Variants in PRKAB1 observed in about 807,000 individuals in gnomAD.
PRKAB1 encodes protein kinase AMP-activated non-catalytic subunit beta 1.
Under a neutral mutation model 32.0 loss-of-function variants are expected in PRKAB1, and 18 were observed. The observed-to-expected ratio is 0.56, with a 90% CI of 0.39 to 0.83. The LOEUF (loss-of-function observed/expected upper bound fraction) is 0.83. PRKAB1 is among the 40% of genes least tolerant of loss of function. PRKAB1 has a pLI of 0.00. For synonymous variants in PRKAB1, 141 were observed against 141.4 expected (o/e 1.00, Z 0.02); for missense variants, 263 against 352.6 (o/e 0.75, Z 2.03).
In PRKAB1 at chr12:119,680,435, G is replaced by T; in HGVS notation, c.*110G>T. The T allele has an allele frequency of 8.7e-7, 1 of 1,147,282 alleles. No homozygotes were observed. Among genetic ancestry groups the T allele is most frequent in the Non-Finnish European group, 1.3e-6 (1 of 787,660 alleles). 71.1% of individuals were successfully genotyped at this position (1,147,282 alleles called of 1,614,324 possible). A position where few individuals can be genotyped will look rare whatever the true frequency, so the allele number is the denominator to read the frequency against. ...TACATTGCTCATTTCACACTCTTCAGAAGACATTTCATACCTGCCCTGGTC... is the reference window on the plus strand; with the variant it reads ...TACATTGCTCATTTCACACTCTTCATAAGACATTTCATACCTGCCCTGGTC... On this transcript the variant is annotated 3_prime_UTR_variant, in exon 7 of 7. Transcript: ENST00000229328.
chr12:119,674,123 A>C lies in PRKAB1; in HGVS notation c.417+66A>C. The C allele has an allele frequency of 1.4e-6, 2 of 1,463,506 alleles. No homozygotes were observed. The highest frequency in any genetic ancestry group is 2.4e-5 in the South Asian group (2 of 84,114). The allele number at this position is 1,463,506 out of a possible 1,614,324, so 90.7% of individuals were successfully genotyped here. ...ATTCCAAACAAATCACCTTCCCAAG[A>C]GATTGCCGCTAGGTCCCTTTGCCCA... On this transcript the variant is annotated intron_variant, in intron 3 of 6. Coordinates refer to ENST00000229328, the MANE Select transcript of PRKAB1 (RefSeq NM_006253.5). This position sits in a 1 kb window ranked among gnomAD's most constrained non-coding sequence, Gnocchi z 4.3.
intron 6 of PRKAB1, 21 bp from the exon 7 acceptor site, chr12:119,680,227 C>A (rs751540222): frequency 1.2e-6 from 2 of 1,610,900 alleles, no homozygotes; most frequent in East Asian, 2.2e-5. Flanking sequence ...AGCCTTTGAT[C>A]ATTTCCACCT....
intron 1 of PRKAB1, among the ~76,000 whole-genome samples, chr12:119,670,912 T>C (rs1955383536): frequency 1.3e-5 from 2 of 152,232 alleles, no homozygotes; most frequent in African/African-American, 4.8e-5. Context: ...GAGATGAAGG[T>C]GCTAGAAGCC....
chr12:119,675,601 C>T (rs1192978567), intron 4 of PRKAB1, among the ~76,000 whole-genome samples: 1 of 152,206 alleles, frequency 6.6e-6, no homozygotes, highest in South Asian at 2.1e-4. Context: ...CTCACTGATA[C>T]GAAGCTAATT....
In PRKAB1 at chr12:119,674,500, G is replaced by A. The variant is rs756741467; in HGVS notation, c.532+46G>A. The A allele has an allele frequency of 1.4e-5, 20 of 1,394,766 alleles. No individual in the cohort carries two copies. Among genetic ancestry groups the A allele is most frequent in the Non-Finnish European group, 1.8e-5 (18 of 986,422 alleles). 86.4% of individuals were successfully genotyped at this position (1,394,766 alleles called of 1,614,324 possible). A position where few individuals can be genotyped will look rare whatever the true frequency, so the allele number is the denominator to read the frequency against. On this transcript the variant is annotated intron_variant, in intron 4 of 6. Coordinates refer to ENST00000229328, the MANE Select transcript of PRKAB1 (RefSeq NM_006253.5). This position sits in a 1 kb window ranked among gnomAD's most constrained non-coding sequence, Gnocchi z 4.3. The stretch of plus-strand genomic sequence containing the variant: ...TACCACATGCGTGCAGGTGGGGGCT[G>A]TACAGTCTAGACATACTCTTGTTTC...
intron 4 of PRKAB1, among the ~76,000 whole-genome samples, chr12:119,676,088 T>G (rs1467092983): frequency 6.6e-6 from 1 of 152,232 alleles, no homozygotes; most frequent in East Asian, 1.9e-4. Context: ...ACGGCCTCTG[T>G]GTAAACAGAC....
rs575005061 is a variant in PRKAB1, at chr12:119,668,748, A to T, written c.159+345A>T. Among the ~76,000 whole-genome samples, 17 of 152,346 alleles carry T rather than the reference A, an allele frequency of 1.1e-4. No individual in the cohort carries two copies. The East Asian group carries it at 3.3e-3, about 29-fold the overall frequency. Reference sequence around the variant, plus strand: ...CAGCTTCTGCTTTTCTCTTAGGTGTAATTAATTGCACTGCTTTGAGACAAA... The same window carrying T: ...CAGCTTCTGCTTTTCTCTTAGGTGTTATTAATTGCACTGCTTTGAGACAAA... On this transcript the variant is annotated intron_variant, in intron 1 of 6. Coordinates refer to ENST00000229328, the MANE Select transcript of PRKAB1 (RefSeq NM_006253.5).
At chr12:119,672,152 C>A in intron 1 of PRKAB1, 149 bp from the exon 2 acceptor site, 1 of 715,640 alleles carries the variant, frequency 1.4e-6, no homozygotes, top group Non-Finnish European at 2.2e-6. Flanking sequence ...TTCTATTTTG[C>A]AGGCAAGGAA....
Position 119,679,637 on chromosome 12 carries a change from C to T in PRKAB1, c.667-296C>T. On this transcript the variant is annotated intron_variant, in intron 5 of 6. Coordinates refer to ENST00000229328, the MANE Select transcript of PRKAB1 (RefSeq NM_006253.5). The surrounding 1 kb of genome is among the most constrained non-coding windows in gnomAD (Gnocchi z 4.1). Reference sequence around the variant, plus strand: ...TGTTAATAGCTGCTTTCTTCCTGCCCCACCCTCCATAAGAGGACAGGGCCG... The same window carrying T: ...TGTTAATAGCTGCTTTCTTCCTGCCTCACCCTCCATAAGAGGACAGGGCCG... 2.4e-6 allele frequency: 1 copy of T among 417,998 alleles called. No individual in the cohort carries two copies. The highest frequency in any genetic ancestry group is 4.5e-6 in the Non-Finnish European group (1 of 222,252). The allele number at this position is 417,998 out of a possible 1,614,324, so 25.9% of individuals were successfully genotyped here.
intron 5 of PRKAB1, chr12:119,677,542 AGAG>A (rs1372207537): frequency 6.6e-6 from 1 of 152,358 alleles, no homozygotes; most frequent in Non-Finnish European, 1.5e-5. Flanking sequence ...TAGGCCCAGA[AGAG>A]GCCAGTGGTA....
intron 1 of PRKAB1, among the ~76,000 whole-genome samples, chr12:119,668,650 A>G (rs1343063245): frequency 6.6e-6 from 1 of 152,252 alleles, no homozygotes; most frequent in African/African-American, 2.4e-5. Context: ...AACATCATTA[A>G]GGAGAAAGCA....
chr12:119,671,318 T>A lies in PRKAB1; in HGVS notation c.160-983T>A, dbSNP rs373595463. ...AGAAATACATCATTAGGTGATTTTA[T>A]CATTGTGTGAACATCATAGAGTGTA... On this transcript the variant is annotated intron_variant, in intron 1 of 6. Coordinates refer to ENST00000229328, the MANE Select transcript of PRKAB1 (RefSeq NM_006253.5). 2.0e-5 allele frequency among the ~76,000 whole-genome samples: 3 copies of A among 152,244 alleles called. No individual in the cohort carries two copies. The East Asian group carries it at 5.8e-4, about 29-fold the overall frequency.
chr12:119,672,570 C>A, intron 2 of PRKAB1, 106 bp downstream of exon 2: 2 of 1,245,324 alleles, frequency 1.6e-6, no homozygotes, highest in Non-Finnish European at 2.2e-6. Context: ...AAAATGGATG[C>A]CTAGTGGAAA....
rs1181915120 is a variant in PRKAB1, at chr12:119,681,421, A to C, written c.*1096A>C. The C allele has an allele frequency of 1.3e-5, 2 of 152,218 alleles. No individual in the cohort carries two copies. The highest frequency in any genetic ancestry group is 4.8e-5 in the African/African-American group (2 of 41,388). The allele number at this position is 152,218 out of a possible 1,614,324, so 9.4% of individuals were successfully genotyped here. A position where few individuals can be genotyped will look rare whatever the true frequency, so the allele number is the denominator to read the frequency against. On this transcript the variant is annotated 3_prime_UTR_variant, in exon 7 of 7. Transcript: ENST00000229328. ...CCCGGGAGTCGCCACAGATGTACCC[A>C]CTAGCCCAGGTTGCTGTGAGTCAGC...
chr12:119,671,415 G>A (rs1955387796), intron 1 of PRKAB1: 4 of 330,616 alleles, frequency 1.2e-5, no homozygotes, highest in Middle Eastern at 1.0e-3. Context: ...ATAAAGAAAA[G>A]AGGTTTAATT....
chr12:119,677,694 T>G, intron 5 of PRKAB1: 1 of 151,996 alleles, frequency 6.6e-6, no homozygotes. Flanking sequence ...CTGCTTCCCT[T>G]AGCTCTAACT....
At chr12:119,680,191 C>A (rs2136861889) in intron 6 of PRKAB1, 57 bp from the exon 7 acceptor site, 1 of 1,556,244 alleles carries the variant, frequency 6.4e-7, no homozygotes, top group Non-Finnish European at 8.8e-7. Context: ...ATTCTCATGT[C>A]CTCTGAGGCT....
At chr12:119,668,850 T>C (rs755128304) in intron 1 of PRKAB1, among the ~76,000 whole-genome samples, 3 of 152,310 alleles carry the variant, frequency 2.0e-5, no homozygotes, top group Non-Finnish European at 2.9e-5. Flanking sequence ...GCAAACCAGG[T>C]ACATATACAA....
intron 1 of PRKAB1, among the ~76,000 whole-genome samples, chr12:119,669,171 G>A (rs1212309572): frequency 6.6e-6 from 1 of 151,552 alleles, no homozygotes; most frequent in Non-Finnish European, 1.5e-5. Context: ...ATGTTCTCCA[G>A]GCTGGTCTCG....
Sources: allele counts gnomAD v4.1 joint callset (sites outside exome capture counted in the v4.1 genomes callset), GRCh38; gene constraint gnomAD v4.1.1; non-coding constraint Gnocchi (gnomAD v3.1); transcripts MANE v1.5; gene names NCBI Gene and HGNC (gene_info 2026-07-23, HGNC 2026-07-21).